Variants in GTF3C1 observed in about 807,000 individuals in gnomAD.
GTF3C1 encodes general transcription factor 3C polypeptide 1.
GTF3C1 carries 57 observed loss-of-function variants against 226.7 expected under a neutral mutation model. The observed-to-expected ratio is 0.25, with a 90% CI of 0.20 to 0.31. The LOEUF is 0.31. Among genes scored for constraint, GTF3C1 ranks in the 10% least tolerant of loss-of-function variants. The pLI, the probability that GTF3C1 is intolerant of heterozygous loss-of-function variation, is 1.00. For missense variants in GTF3C1, 2,217 were observed against 2,776.1 expected, an observed-to-expected ratio of 0.80 and a Z score of 4.53; for synonymous variants, 1,090 against 1,084.8, an observed-to-expected ratio of 1.00 and a Z score of -0.09.
Position 27,470,603 on chromosome 16 carries a change from C to T in GTF3C1, c.4527-208G>A, listed in dbSNP as rs1242646661. The T allele has an allele frequency of 5.3e-6, 3 of 568,136 alleles. No homozygotes were observed. In the African/African-American group the frequency reaches 5.6e-5, roughly 11 times the overall value. 35.2% of individuals were successfully genotyped at this position (568,136 alleles called of 1,614,324 possible). ...TCTCTCTTCCCCGCTTGCCTGAGTA[C>T]CTTCCGGGCAGAGTCCTGTCTCCTC... is the stretch of plus-strand genomic sequence containing the variant. On this transcript the variant is annotated intron_variant, in intron 30 of 36. Transcript: ENST00000356183. This position sits in a 1 kb window ranked among gnomAD's most constrained non-coding sequence, Gnocchi z 4.9.
chr16:27,524,492 C>G (rs956246040), intron 6 of GTF3C1, among the ~76,000 whole-genome samples: 2 of 152,166 alleles, frequency 1.3e-5, no homozygotes, highest in African/African-American at 4.8e-5. Flanking sequence ...GATGAGGAAA[C>G]TGAGGTATAC....
intron 6 of GTF3C1, among the ~76,000 whole-genome samples, chr16:27,514,232 ACT>A (rs2088620879): frequency 2.0e-5 from 3 of 151,684 alleles, no homozygotes; most frequent in East Asian, 3.9e-4. Context: ...AAGCCTGAAG[ACT>A]CTGCTTCTGC....
intron 8 of GTF3C1, among the ~76,000 whole-genome samples, chr16:27,508,156 T>C (rs1316594815): frequency 6.6e-6 from 1 of 152,230 alleles, no homozygotes; most frequent in Non-Finnish European, 1.5e-5. Flanking sequence ...ATTACAGGCA[T>C]GCAACACCAC....
chr16:27,493,991 T>C (rs1365342318), intron 16 of GTF3C1, among the ~76,000 whole-genome samples: 2 of 151,904 alleles, frequency 1.3e-5, no homozygotes, highest in African/African-American at 4.8e-5. Flanking sequence ...GGCATAGCAA[T>C]AAAAGACTAC....
chr16:27,513,182 G>A (rs1164213895), intron 6 of GTF3C1, among the ~76,000 whole-genome samples: 2 of 152,188 alleles, frequency 1.3e-5, no homozygotes, highest in Non-Finnish European at 2.9e-5. Flanking sequence ...GCTGGGCATG[G>A]TGGCTCACAT....
chr16:27,464,939 G>T, intron 33 of GTF3C1, 103 bp from the exon 34 acceptor site: 1 of 956,156 alleles, frequency 1.0e-6, no homozygotes, highest in Non-Finnish European at 1.5e-6. Context: ...CGGGTTGAGT[G>T]CCCTGAGCAG....
rs915435948 is a variant in GTF3C1 at position 27,471,941 on chromosome 16, G to C, written c.4354-21C>G. ...AAAGTCTGCAACACAGGGCGGCGAG[G>C]GTGAGTAGGGTTCTCCAGCCGGCCA... On this transcript the variant is annotated intron_variant, in intron 29 of 36. Transcript: ENST00000356183. The surrounding 1 kb of genome is among the most constrained non-coding windows in gnomAD (Gnocchi z 5.0). 6.8e-6 allele frequency: 11 copies of C among 1,611,004 alleles called. No individual in the cohort carries two copies. Among genetic ancestry groups the C allele is most frequent in the Non-Finnish European group, 7.6e-6 (9 of 1,177,412 alleles).
At chr16:27,516,666 A>G (rs879472132) in intron 6 of GTF3C1, among the ~76,000 whole-genome samples, 1 of 152,172 alleles carries the variant, frequency 6.6e-6, no homozygotes, top group Non-Finnish European at 1.5e-5. Flanking sequence ...TTTTGAGACA[A>G]AGTCTCGCTT....
chr16:27,537,043 T>C (rs1469367478), intron 4 of GTF3C1, among the ~76,000 whole-genome samples: 1 of 152,248 alleles, frequency 6.6e-6, no homozygotes, highest in Non-Finnish European at 1.5e-5. Flanking sequence ...CTGTATCACC[T>C]GGACAACAAT....
intron 5 of GTF3C1, among the ~76,000 whole-genome samples, chr16:27,530,944 C>T (rs976583488): frequency 4.6e-5 from 7 of 152,204 alleles, no homozygotes; most frequent in African/African-American, 1.2e-4. Flanking sequence ...GCACTCACCA[C>T]GTCCTGTTAG....
At chr16:27,539,183 G>A (rs1008029765) in intron 2 of GTF3C1, among the ~76,000 whole-genome samples, 5 of 152,016 alleles carry the variant, frequency 3.3e-5, no homozygotes, top group Admixed American at 1.3e-4. Flanking sequence ...GAGCTGGACT[G>A]ATAAAACAAT....
rs1200976881 is a variant in GTF3C1, at chr16:27,481,145, TTTTC to T, written c.4126_4129del (p.Glu1376SerfsTer6). ...AGAATTCCTTAGGGCTGAACTGAAC[TTTTC>T]TTTAAGCTTCTCCACAAATTCTTTA... On this transcript the variant is annotated frameshift_variant, in exon 27 of 37. Transcript: ENST00000356183. LOFTEE classifies it high-confidence loss of function. 1 of 1,614,204 alleles carries T rather than the reference TTTTC, an allele frequency of 6.2e-7. No homozygotes were observed. The highest frequency in any genetic ancestry group is 1.7e-5 in the Admixed American group (1 of 60,032).
chr16:27,475,700 T>A (rs1032837871), intron 29 of GTF3C1, among the ~76,000 whole-genome samples: 2 of 152,186 alleles, frequency 1.3e-5, no homozygotes, highest in African/African-American at 4.8e-5. Context: ...CACTCTCATG[T>A]TCTTTCAGCC....
intron 7 of GTF3C1, among the ~76,000 whole-genome samples, chr16:27,511,411 A>G (rs2088568884): frequency 6.6e-6 from 1 of 152,206 alleles, no homozygotes. Context: ...ACTTCTCAGC[A>G]TTCATAATTG....
At chr16:27,474,724 CA>C (rs146142656) in intron 29 of GTF3C1, among the ~76,000 whole-genome samples, 1,538 of 152,260 alleles carry the variant, frequency 0.01, 43 homozygotes, top group African/African-American at 0.035. Context: ...CTTTCATCTA[CA>C]AAATGCTGGG....
chr16:27,537,087 T>C (rs1382644799), intron 4 of GTF3C1, among the ~76,000 whole-genome samples: 1 of 152,254 alleles, frequency 6.6e-6, no homozygotes, highest in Non-Finnish European at 1.5e-5. Flanking sequence ...CACATTGTTA[T>C]CGCTTAGCAG....
chr16:27,504,775 C>T (rs780499363), intron 10 of GTF3C1, among the ~76,000 whole-genome samples: 2 of 151,984 alleles, frequency 1.3e-5, no homozygotes, highest in Non-Finnish European at 2.9e-5. Flanking sequence ...ATTAGCCAGG[C>T]GCAGTGGCAT....
intron 29 of GTF3C1, among the ~76,000 whole-genome samples, chr16:27,473,568 C>T (rs948363918): frequency 1.3e-5 from 2 of 152,204 alleles, no homozygotes; most frequent in South Asian, 4.1e-4. Flanking sequence ...TTAAGTGATC[C>T]TCTGAGGTCA....
rs781418258 is a variant in GTF3C1, at chr16:27,538,311, G to A, written c.477C>T (p.Tyr159=). ...CCCCCTCCTGGCCTATCAAGGCCCTGTACCGCATGGCCTGGGAGGCAACGA... is the reference window on the plus strand; with the variant it reads ...CCCCCTCCTGGCCTATCAAGGCCCTATACCGCATGGCCTGGGAGGCAACGA... The part of the protein sequence containing the change: ...LIIVASQAMR[Y]RALIGQEGDP... The change falls in exon 3 of 37, where the codon TAC becomes TAT. Residue 159 remains tyrosine, a synonymous_variant. Transcript: ENST00000356183. The A allele has an allele frequency of 1.6e-5, 26 of 1,601,354 alleles. No individual in the cohort carries two copies. The highest frequency in any genetic ancestry group is 3.5e-5 in the Admixed American group (2 of 57,092).
Sources: gnomAD v4.1 joint callset for allele counts (sites outside exome capture counted in the v4.1 genomes callset) on GRCh38, gnomAD v4.1.1 for gene constraint, Gnocchi (gnomAD v3.1) non-coding constraint, MANE v1.5 for transcripts, NCBI Gene and HGNC (gene_info 2026-07-23, HGNC 2026-07-21) for gene names.